CPA6: variants seen among roughly 807,000 people sequenced by gnomAD.
CPA6 encodes carboxypeptidase B.
CPA6 carries 58 observed loss-of-function variants against 63.3 expected under a neutral mutation model. The observed-to-expected ratio is 0.92, with a 90% CI of 0.74 to 1.14. CPA6 has a LOEUF of 1.14. CPA6 is among the 50% of genes most tolerant of loss of function. The probability of loss-of-function intolerance (pLI) is 0.00; values close to 1 mark genes in which losing one functional copy is unlikely to be tolerated. For missense variants in CPA6, 565 were observed against 526.6 expected (o/e 1.07, Z -0.71); for synonymous variants, 185 against 179.0 (o/e 1.03, Z -0.27).
At chr8:67,510,154 C>T (rs1812013794) in intron 4 of CPA6, among the ~76,000 whole-genome samples, 1 of 152,086 alleles carries the variant, frequency 6.6e-6, no homozygotes, top group African/African-American at 2.4e-5. Flanking sequence ...AATAATTTCT[C>T]CAGTGATAGT....
At chr8:67,562,883 G>C (rs1813248398) in intron 2 of CPA6, among the ~76,000 whole-genome samples, 1 of 152,126 alleles carries the variant, frequency 6.6e-6, no homozygotes, top group South Asian at 2.1e-4. Flanking sequence ...ATTTTTGTTA[G>C]AGCAGCCCCA....
At chr8:67,449,808 C>G (rs971237250) in intron 8 of CPA6, among the ~76,000 whole-genome samples, 1 of 131,838 alleles carries the variant, frequency 7.6e-6, no homozygotes, top group African/African-American at 3.0e-5. Context: ...CCCAAGCCAT[C>G]TCTTTTTTTT....
At chr8:67,484,068 C>G (rs930404916) in intron 7 of CPA6, among the ~76,000 whole-genome samples, 6 of 135,138 alleles carry the variant, frequency 4.4e-5, no homozygotes, top group Non-Finnish European at 8.1e-5. Flanking sequence ...CTGTATTTTG[C>G]CTTCTCTTTT....
intron 1 of CPA6, among the ~76,000 whole-genome samples, chr8:67,694,962 T>C (rs372803982): frequency 6.6e-6 from 1 of 152,066 alleles, no homozygotes; most frequent in Admixed American, 6.5e-5. Flanking sequence ...AGGAACATGA[T>C]TGGAAAATTG....
At chr8:67,734,767 T>C (rs1180803562) in intron 1 of CPA6, among the ~76,000 whole-genome samples, 1 of 152,214 alleles carries the variant, frequency 6.6e-6, no homozygotes, top group African/African-American at 2.4e-5. Context: ...CCAAACATGA[T>C]GGAGAGATTA....
chr8:67,461,518 G>GC (rs1810806114), intron 8 of CPA6, among the ~76,000 whole-genome samples: 1 of 151,968 alleles, frequency 6.6e-6, no homozygotes. Context: ...ACCTTTCCCC[G>GC]CTTTCTATTC....
intron 9 of CPA6, 140 bp downstream of exon 9, chr8:67,433,898 A>C: frequency 1.6e-6 from 1 of 637,178 alleles, no homozygotes. Flanking sequence ...TTAATGAAGA[A>C]TAAATGAATT....
At chr8:67,657,550 C>CT (rs1816014961) in intron 1 of CPA6, among the ~76,000 whole-genome samples, 1 of 152,192 alleles carries the variant, frequency 6.6e-6, no homozygotes, top group African/African-American at 2.4e-5. Flanking sequence ...AGGGTAGGCT[C>CT]TCTCCACACC....
chr8:67,663,175 T>C (rs1227118477), intron 1 of CPA6, among the ~76,000 whole-genome samples: 2 of 152,180 alleles, frequency 1.3e-5, no homozygotes, highest in African/African-American at 2.4e-5. Flanking sequence ...AAAACAGCTC[T>C]AAACCTCAAG....
chr8:67,734,002 G>A (rs4737849), intron 1 of CPA6, among the ~76,000 whole-genome samples: 1 of 151,482 alleles, frequency 6.6e-6, no homozygotes, highest in African/African-American at 2.4e-5. Context: ...GGCGTCCCTA[G>A]TAGTGGAAGT....
intron 2 of CPA6, among the ~76,000 whole-genome samples, chr8:67,558,321 C>A (rs1229373993): frequency 6.6e-6 from 1 of 152,132 alleles, no homozygotes; most frequent in East Asian, 1.9e-4. Context: ...CTTTCGTAGC[C>A]TTTATCACCA....
chr8:67,722,676 G>A (rs1231392854), intron 1 of CPA6, among the ~76,000 whole-genome samples: 2 of 152,004 alleles, frequency 1.3e-5, no homozygotes, highest in African/African-American at 4.8e-5. Flanking sequence ...TTATCCTTTT[G>A]CCCTATGATA....
intron 1 of CPA6, among the ~76,000 whole-genome samples, chr8:67,731,974 T>G (rs1366342040): frequency 1.3e-5 from 2 of 152,214 alleles, no homozygotes; most frequent in Non-Finnish European, 2.9e-5. Context: ...GGGTCGCTTC[T>G]CTAAATTTGG....
intron 1 of CPA6, among the ~76,000 whole-genome samples, chr8:67,699,160 A>G (rs901928715): frequency 3.9e-5 from 6 of 152,176 alleles, no homozygotes; most frequent in African/African-American, 1.4e-4. Flanking sequence ...GCTCACGCCT[A>G]TAATCCCAGC....
At position 67,509,569 on chromosome 8, in the gene CPA6, T is replaced by G; in HGVS notation, c.482A>C (p.His161Pro). The G allele has an allele frequency of 3.1e-6, 5 of 1,600,902 alleles. No individual in the cohort carries two copies. The highest frequency in any genetic ancestry group is 4.3e-6 in the Non-Finnish European group (5 of 1,172,088). Reference protein sequence around the residue: ...HLNKTHSGLIHMFSIGRSYEG... With the variant: ...HLNKTHSGLIPMFSIGRSYEG... ...ATATGATCTTCCAATAGAGAACATG[T>G]GAATGAGGCCTGAGTGAGTTTTATT... is the stretch of plus-strand genomic sequence containing the variant. The change falls in exon 5 of 11, where the codon CAC (histidine) becomes CCC (proline). Residue 161 changes from histidine (H) to proline (P), a missense_variant. His to Pro is a moderately conservative substitution (Grantham distance 77). Coordinates refer to ENST00000297770, the MANE Select transcript of CPA6 (RefSeq NM_020361.5).
At chr8:67,487,194 T>C (rs1811498024) in intron 6 of CPA6, among the ~76,000 whole-genome samples, 1 of 152,152 alleles carries the variant, frequency 6.6e-6, no homozygotes, top group South Asian at 2.1e-4. Context: ...CCTAATGTTA[T>C]CCCTTCCCCT....
At chr8:67,720,618 G>A (rs7825611) in intron 1 of CPA6, among the ~76,000 whole-genome samples, 4,118 of 152,254 alleles carry the variant, frequency 0.027, 192 homozygotes, top group African/African-American at 0.093. Context: ...AAAACTGCGA[G>A]GGCCACATTT....
chr8:67,455,690 A>G (rs868431354), intron 8 of CPA6, among the ~76,000 whole-genome samples: 8 of 150,448 alleles, frequency 5.3e-5, no homozygotes, highest in South Asian at 2.1e-4. Context: ...AAAAAAAAAA[A>G]AAAGAAAATG....
intron 1 of CPA6, among the ~76,000 whole-genome samples, chr8:67,635,697 G>C (rs1254727617): frequency 6.6e-6 from 1 of 151,670 alleles, no homozygotes; most frequent in Non-Finnish European, 1.5e-5. Flanking sequence ...AACCTGGGAG[G>C]TGGAGGTTGC....
Sources: allele counts gnomAD v4.1 joint callset (sites outside exome capture counted in the v4.1 genomes callset), GRCh38; gene constraint gnomAD v4.1.1; transcripts MANE v1.5; gene names NCBI Gene and HGNC (gene_info 2026-07-23, HGNC 2026-07-21).